The following NAV3 variants were observed in gnomAD, a reference collection of about 807,000 sequenced individuals.
NAV3 encodes pore membrane and/or filament interacting like protein 1.
NAV3 carries 87 observed loss-of-function variants against 244.7 expected under a neutral mutation model. The observed-to-expected ratio is 0.36, with a 90% CI of 0.30 to 0.42. The LOEUF (loss-of-function observed/expected upper bound fraction) is 0.42, where lower values mean the gene tolerates loss of function less well. NAV3 is among the 20% of genes least tolerant of loss of function. The pLI is 1.00. For missense variants in NAV3, 2,663 were observed against 2,893.3 expected (o/e 0.92, Z 1.83); for synonymous variants, 1,126 against 1,042.2 (o/e 1.08, Z -1.55).
intron 9 of NAV3, 55 bp downstream of exon 9, chr12:78,021,917 A>G (rs957067751): frequency 7.0e-6 from 8 of 1,135,830 alleles, no homozygotes; most frequent in South Asian, 1.4e-5. Context: ...TATTCTCTCC[A>G]TAAGACTTTT....
intron 31 of NAV3, 97 bp downstream of exon 31, chr12:78,185,795 A>G: frequency 2.9e-6 from 3 of 1,017,694 alleles, no homozygotes; most frequent in Non-Finnish European, 4.4e-6. Flanking sequence ...TAAATATCCT[A>G]CAACAATTGT....
intron 1 of NAV3, among the ~76,000 whole-genome samples, chr12:77,892,941 G>T (rs556006946): frequency 2.0e-5 from 3 of 152,108 alleles, no homozygotes; most frequent in Non-Finnish European, 4.4e-5. Flanking sequence ...AACTAATTTT[G>T]ATATTAGTTA....
intron 39 of NAV3, among the ~76,000 whole-genome samples, chr12:78,208,827 C>T (rs1594060384): frequency 2.0e-5 from 3 of 152,170 alleles, no homozygotes; most frequent in African/African-American, 7.2e-5. Flanking sequence ...CTAGGGTGCT[C>T]AAAACTCAGT....
intron 2 of NAV3, among the ~76,000 whole-genome samples, chr12:77,770,433 A>G (rs1870020267): frequency 6.6e-6 from 1 of 152,180 alleles, no homozygotes; most frequent in African/African-American, 2.4e-5. Flanking sequence ...TCAGGCCAGT[A>G]AAAAATCTGG....
chr12:77,944,358 T>C (rs1890139299), intron 3 of NAV3, among the ~76,000 whole-genome samples: 1 of 152,168 alleles, frequency 6.6e-6, no homozygotes, highest in Non-Finnish European at 1.5e-5. Context: ...TAAGTGTTGG[T>C]GTCCAGTTGA....
intron 2 of NAV3, among the ~76,000 whole-genome samples, chr12:77,812,046 T>A (rs1221937687): frequency 2.0e-5 from 3 of 152,202 alleles, no homozygotes; most frequent in Non-Finnish European, 4.4e-5. Flanking sequence ...ATAATTTTAT[T>A]CTATTCTTCT....
At chr12:78,163,902 C>T (rs1213549291) in intron 23 of NAV3, among the ~76,000 whole-genome samples, 1 of 152,036 alleles carries the variant, frequency 6.6e-6, no homozygotes, top group Non-Finnish European at 1.5e-5. Flanking sequence ...TGCCCTGAGG[C>T]ATCCATTATA....
intron 2 of NAV3, among the ~76,000 whole-genome samples, chr12:77,678,366 T>A (rs1874300782): frequency 6.6e-6 from 1 of 152,204 alleles, no homozygotes; most frequent in African/African-American, 2.4e-5. Flanking sequence ...ACTTTTAACG[T>A]TTACTAACGT....
At chr12:78,063,277 G>C (rs966444614) in intron 12 of NAV3, among the ~76,000 whole-genome samples, 5 of 152,068 alleles carry the variant, frequency 3.3e-5, no homozygotes, top group African/African-American at 1.2e-4. Flanking sequence ...TTGCAGAATG[G>C]GTATAATCCT....
chr12:77,869,898 G>T (rs973415647), intron 1 of NAV3, among the ~76,000 whole-genome samples: 21 of 152,122 alleles, frequency 1.4e-4, no homozygotes, highest in African/African-American at 3.6e-4. Context: ...ATGAATGAAT[G>T]AATTAATGCA....
At chr12:78,021,669 T>A in intron 8 of NAV3, 78 bp from the exon 9 acceptor site, 1 of 966,678 alleles carries the variant, frequency 1.0e-6, no homozygotes, top group African/African-American at 1.6e-5. Context: ...TAATTAATAT[T>A]TCTTGTAGAA....
chr12:77,838,576 T>G (rs546676566), intron 1 of NAV3, among the ~76,000 whole-genome samples: 6 of 152,284 alleles, frequency 3.9e-5, no homozygotes, highest in African/African-American at 1.4e-4. Flanking sequence ...TTTTCTTGTG[T>G]CGTAGACATC....
rs960376123 is a variant in NAV3 at position 77,825,769 on chromosome 12, A to C, written c.73-114550A>C. Among the ~76,000 whole-genome samples the C allele has an allele frequency of 3.3e-5, 5 of 152,270 alleles. No homozygotes were observed. The East Asian group carries it at 9.7e-4, about 29-fold the overall frequency. ...AAAAGCAAGCTGAAGACTAGGACAA[A>C]ATCTATTCAAATATATATCTAAGAT... On this transcript the variant is annotated intron_variant, in intron 2 of 8. Coordinates refer to the NAV3 transcript ENST00000550042.
chr12:78,014,104 AATAAT>A (rs1457253794), intron 8 of NAV3, among the ~76,000 whole-genome samples: 1 of 152,088 alleles, frequency 6.6e-6, no homozygotes, highest in Non-Finnish European at 1.5e-5. Flanking sequence ...TGTGAAATAA[AATAAT>A]ATAATAATTG....
chr12:78,200,134 G>C lies in NAV3; in HGVS notation c.6716-339G>C, dbSNP rs1344492016. On this transcript the variant is annotated intron_variant, in intron 37 of 39. Coordinates refer to ENST00000397909, the MANE Select transcript of NAV3 (RefSeq NM_001024383.2). ...ACTGGGACCAGAACACTCATGCCAG[G>C]TCCCAATTCTGCAAATAATGACGTG... Among the ~76,000 whole-genome samples, 3 of 152,114 alleles carry C rather than the reference G, an allele frequency of 2.0e-5. No individual in the cohort carries two copies. The East Asian group carries it at 5.8e-4, about 29-fold the overall frequency.
rs559384928 is a variant in NAV3, at chr12:77,914,023, T to C, written c.244-26296T>C. ...ATCTTAATCATATCCACAGCAGAAG[T>C]TCCCCCTCACCTCTGAGCCATGAGA... On this transcript the variant is annotated intron_variant, in intron 1 of 39. Transcript: ENST00000397909. 4.6e-5 allele frequency among the ~76,000 whole-genome samples: 7 copies of C among 152,056 alleles called. 1 individual carries two copies. Among genetic ancestry groups the C allele is most frequent in the Admixed American group, 4.6e-4 (7 of 15,238 alleles).
intron 12 of NAV3, among the ~76,000 whole-genome samples, chr12:78,101,826 G>A (rs1834414239): frequency 1.3e-5 from 2 of 151,980 alleles, no homozygotes; most frequent in African/African-American, 4.8e-5. Flanking sequence ...TTAACATTTT[G>A]ATACTAAAAC....
At chr12:77,580,896 T>A (rs1869332212) in intron 2 of NAV3, among the ~76,000 whole-genome samples, 1 of 152,214 alleles carries the variant, frequency 6.6e-6, no homozygotes, top group Admixed American at 6.5e-5. Flanking sequence ...TTGATAATAT[T>A]TATAAATCCA....
At chr12:77,645,519 G>A (rs1216842178) in intron 2 of NAV3, among the ~76,000 whole-genome samples, 8 of 131,282 alleles carry the variant, frequency 6.1e-5, no homozygotes, top group Non-Finnish European at 3.1e-5. Flanking sequence ...GGGAATTCAT[G>A]GAGAGCTCTC....
Sources: gnomAD v4.1 joint callset for allele counts (sites outside exome capture counted in the v4.1 genomes callset) on GRCh38, gnomAD v4.1.1 for gene constraint, MANE v1.5 for transcripts, NCBI Gene and HGNC (gene_info 2026-07-23, HGNC 2026-07-21) for gene names.